Variants in RPS6KA1 observed in about 807,000 individuals in gnomAD.
RPS6KA1 encodes ribosomal protein S6 kinase A1.
RPS6KA1 carries 48 observed loss-of-function variants against 91.3 expected under a neutral mutation model. That is an observed-to-expected ratio of 0.53 (90% CI 0.42 to 0.67). The LOEUF (loss-of-function observed/expected upper bound fraction) is 0.67. Ranked by LOEUF, RPS6KA1 falls within the 30% of genes least tolerant of loss-of-function variation. The pLI, the probability that RPS6KA1 is intolerant of heterozygous loss-of-function variation, is 0.00. For synonymous variants in RPS6KA1, 359 were observed against 384.7 expected (o/e 0.93, Z 0.78); for missense variants, 719 against 960.5 (o/e 0.75, Z 3.32).
chr1:26,533,738 T>C (rs1458263733), intron 1 of RPS6KA1, among the ~76,000 whole-genome samples: 3 of 152,098 alleles, frequency 2.0e-5, no homozygotes, highest in Non-Finnish European at 4.4e-5. Flanking sequence ...AAAAGTGATA[T>C]GACAGACCCA....
intron 20 of RPS6KA1, 145 bp from the exon 21 acceptor site, chr1:26,573,079 C>A: frequency 1.2e-6 from 1 of 801,792 alleles, no homozygotes; most frequent in Non-Finnish European, 2.0e-6. Flanking sequence ...TGCGGGGAGC[C>A]CTGGAGCAGA....
chr1:26,554,266 C>T lies in RPS6KA1; in HGVS notation c.613+15C>T. On this transcript the variant is annotated intron_variant, in intron 8 of 21. Transcript: ENST00000374168. This position sits in a 1 kb window ranked among gnomAD's most constrained non-coding sequence, Gnocchi z 4.6. Reference sequence around the variant, plus strand: ...CAAACTCACTGGTGAGTGGAGGGCGCCTGCCCCCTCGGGACCCAGGGGAGG... The same window carrying T: ...CAAACTCACTGGTGAGTGGAGGGCGTCTGCCCCCTCGGGACCCAGGGGAGG... The T allele has an allele frequency of 1.3e-6, 2 of 1,556,320 alleles. No homozygotes were observed. Among genetic ancestry groups the T allele is most frequent in the Non-Finnish European group, 8.7e-7 (1 of 1,149,498 alleles).
At chr1:26,563,961 A>G (rs2076176752) in intron 17 of RPS6KA1, among the ~76,000 whole-genome samples, 1 of 152,132 alleles carries the variant, frequency 6.6e-6, no homozygotes, top group Non-Finnish European at 1.5e-5. Flanking sequence ...CATCTCTACC[A>G]AAAATACAAA....
chr1:26,566,235 A>G (rs527396897), intron 17 of RPS6KA1, among the ~76,000 whole-genome samples: 52 of 150,374 alleles, frequency 3.5e-4, no homozygotes, highest in African/African-American at 1.2e-3. Context: ...TAATCTCTTC[A>G]ATCATTGCCA....
Position 26,574,141 on chromosome 1 carries a change from C to T in RPS6KA1, c.2148C>T (p.Pro716=), listed in dbSNP as rs1304319911. The T allele has an allele frequency of 6.2e-7, 1 of 1,614,170 alleles. No individual in the cohort carries two copies. Among genetic ancestry groups the T allele is most frequent in the Non-Finnish European group, 8.5e-7 (1 of 1,180,022 alleles). ...NSSKPTPQLK[P]IESSILAQRR... The stretch of plus-strand genomic sequence containing the variant: ...CCAAGCCCACCCCCCAGCTGAAGCC[C>T]ATCGAGTCATCCATCCTGGCCCAGC... The change falls in exon 22 of 22, where the codon CCC becomes CCT. Residue 716 remains proline, a synonymous_variant. Coordinates refer to ENST00000374168, the MANE Select transcript of RPS6KA1 (RefSeq NM_002953.4). The surrounding 1 kb of genome is among the most constrained non-coding windows in gnomAD (Gnocchi z 4.3).
chr1:26,536,201 T>G (rs1193008970), intron 1 of RPS6KA1, among the ~76,000 whole-genome samples: 1 of 148,202 alleles, frequency 6.7e-6, no homozygotes, highest in Admixed American at 6.7e-5. Context: ...TGCGAGGCAC[T>G]GAGCCCAGTG....
intron 15 of RPS6KA1, 45 bp from the exon 16 acceptor site, chr1:26,561,000 G>A: frequency 1.2e-6 from 2 of 1,603,904 alleles, no homozygotes; most frequent in Non-Finnish European, 1.7e-6. Context: ...AAAGGACCCT[G>A]GACCCTGTCA....
rs768113135 is a variant in RPS6KA1, at chr1:26,555,537, G to A, written c.828G>A (p.Lys276=). ...DRKETMTLIL[K]AKLGMPQFLS... is the part of the protein sequence containing the mutation. ...TGATGAGTCCCGGGGGCTGTTTCAG[G>A]GCGAAGCTAGGCATGCCCCAGTTTC... The change falls in exon 11 of 22, where the codon AAG becomes AAA. Residue 276 remains lysine (K), a splice_region_variant and synonymous_variant. Coordinates refer to ENST00000374168, the MANE Select transcript of RPS6KA1 (RefSeq NM_002953.4). The surrounding 1 kb of genome is among the most constrained non-coding windows in gnomAD (Gnocchi z 4.3). The A allele has an allele frequency of 2.7e-5, 43 of 1,586,328 alleles. No individual in the cohort carries two copies. Among genetic ancestry groups the A allele is most frequent in the Non-Finnish European group, 3.6e-5 (42 of 1,165,166 alleles).
In RPS6KA1 at chr1:26,555,483, G is replaced by C. The variant is rs2124642875; in HGVS notation, c.828-54G>C. 1 of 1,501,628 alleles carries C rather than the reference G, an allele frequency of 6.7e-7. No individual in the cohort carries two copies. Among genetic ancestry groups the C allele is most frequent in the African/African-American group, 1.4e-5 (1 of 72,178 alleles). The allele number at this position is 1,501,628 out of a possible 1,614,324, so 93.0% of individuals were successfully genotyped here. A position where few individuals can be genotyped will look rare whatever the true frequency, so the allele number is the denominator to read the frequency against. On this transcript the variant is annotated intron_variant, in intron 10 of 21. Transcript: ENST00000374168. The surrounding 1 kb of genome is among the most constrained non-coding windows in gnomAD (Gnocchi z 4.3). Reference sequence around the variant, plus strand: ...CTAGATCTGGACAGGGGCCGGGGGAGATGGGGCCTCTGGGGCAGGGCTCAG... The same window carrying C: ...CTAGATCTGGACAGGGGCCGGGGGACATGGGGCCTCTGGGGCAGGGCTCAG...
chr1:26,547,737 C>T lies in RPS6KA1; in HGVS notation c.307+467C>T, dbSNP rs2124630368. The T allele has an allele frequency of 5.5e-6, 1 of 182,472 alleles. No homozygotes were observed. The highest frequency in any genetic ancestry group is 1.2e-5 in the Non-Finnish European group (1 of 84,206). The allele number at this position is 182,472 out of a possible 1,614,324, so 11.3% of individuals were successfully genotyped here. A position where few individuals can be genotyped will look rare whatever the true frequency, so the allele number is the denominator to read the frequency against. ...ATGGCAGAGAGGTTCAGAAGGGAGC[C>T]CCGAGCCAAGGTTAGAGTTCTGGGG... On this transcript the variant is annotated intron_variant, in intron 4 of 21. Coordinates refer to ENST00000374168, the MANE Select transcript of RPS6KA1 (RefSeq NM_002953.4). The surrounding 1 kb of genome is among the most constrained non-coding windows in gnomAD (Gnocchi z 4.1).
chr1:26,543,551 T>C (rs2075965472), intron 2 of RPS6KA1, among the ~76,000 whole-genome samples: 1 of 152,182 alleles, frequency 6.6e-6, no homozygotes, highest in Non-Finnish European at 1.5e-5. Context: ...CCTCCATCTG[T>C]CAGGAAGGGT....
Position 26,554,316 on chromosome 1 carries a change from C to T in RPS6KA1, c.613+65C>T, listed in dbSNP as rs1322140888. ...GACAGGACAAGGTCATGATAGGTCT[C>T]GGCTGAGTGCTGGGGGCTCATTCTT... On this transcript the variant is annotated intron_variant, in intron 8 of 21. Transcript: ENST00000374168. The surrounding 1 kb of genome is among the most constrained non-coding windows in gnomAD (Gnocchi z 4.6). The T allele has an allele frequency of 1.4e-5, 21 of 1,484,740 alleles. No individual in the cohort carries two copies. The highest frequency in any genetic ancestry group is 4.9e-5 in the East Asian group (2 of 40,542). The allele number at this position is 1,484,740 out of a possible 1,614,324, so 92.0% of individuals were successfully genotyped here.
intron 1 of RPS6KA1, chr1:26,531,002 C>A: frequency 1.1e-6 from 1 of 879,266 alleles, no homozygotes; most frequent in Non-Finnish European, 1.5e-6. Flanking sequence ...CCAGCTTGGG[C>A]CTGGAGCCCC....
intron 6 of RPS6KA1, chr1:26,552,868 A>G (rs1268518582): frequency 2.4e-6 from 1 of 421,382 alleles, no homozygotes; most frequent in Admixed American, 2.7e-5. Flanking sequence ...TCTTCCTCCC[A>G]CCCCAGCCCC....
At position 26,533,299 on chromosome 1, in the gene RPS6KA1, C is replaced by T. The variant is rs141433182; in HGVS notation, c.63+3316C>T. On this transcript the variant is annotated intron_variant, in intron 1 of 21. Coordinates refer to ENST00000374168, the MANE Select transcript of RPS6KA1 (RefSeq NM_002953.4). The stretch of plus-strand genomic sequence containing the variant: ...TTCACCATGTTGACCAGGATGGTCT[C>T]GATCTCTTGACCTCGTGATCCTCGT... Among the ~76,000 whole-genome samples the T allele has an allele frequency of 2.3e-3, 346 of 152,228 alleles. 1 individual carries two copies. Among genetic ancestry groups the T allele is most frequent in the African/African-American group, 8.2e-3 (339 of 41,560 alleles).
Position 26,554,129 on chromosome 1 carries a change from G to A in RPS6KA1, c.576-85G>A. ...TTGGGTGGAGCACCTCCTCTGGGCT[G>A]AACCCAACTCCCACAGCCCTGTGGT... On this transcript the variant is annotated intron_variant, in intron 7 of 21. Transcript: ENST00000374168. This position sits in a 1 kb window ranked among gnomAD's most constrained non-coding sequence, Gnocchi z 4.6. 1 of 1,445,662 alleles carries A rather than the reference G, an allele frequency of 6.9e-7. No individual in the cohort carries two copies. Among genetic ancestry groups the A allele is most frequent in the South Asian group, 1.3e-5 (1 of 77,264 alleles). 89.6% of individuals were successfully genotyped at this position (1,445,662 alleles called of 1,614,324 possible). A position where few individuals can be genotyped will look rare whatever the true frequency, so the allele number is the denominator to read the frequency against.
chr1:26,537,774 T>C (rs2075917247), intron 2 of RPS6KA1, among the ~76,000 whole-genome samples: 1 of 152,212 alleles, frequency 6.6e-6, no homozygotes, highest in South Asian at 2.1e-4. Context: ...CAGTCCTGGC[T>C]CCATCCCCAC....
chr1:26,574,085 A>T lies in RPS6KA1; in HGVS notation c.2092A>T (p.Met698Leu). Reference protein sequence around the residue: ...HQDLQLVKGAMAATYSALNSS... With the variant: ...HQDLQLVKGALAATYSALNSS... ...CTCCCCACTTCTCTTTCAGGGAGCC[A>T]TGGCTGCCACGTACTCCGCACTCAA... Residue 698 changes from methionine to leucine, a missense_variant, in exon 22 of 22, where the codon ATG (methionine) becomes TTG (leucine). Transcript: ENST00000374168. The surrounding 1 kb of genome is among the most constrained non-coding windows in gnomAD (Gnocchi z 4.3). The T allele has an allele frequency of 6.2e-7, 1 of 1,613,942 alleles. No homozygotes were observed.
rs1355423491 is a variant in RPS6KA1, at chr1:26,556,677, G to A, written c.940G>A (p.Glu314Lys). Reference protein sequence around the residue: ...RLGSGPDGAEEIKRHVFYSTI... With the variant: ...RLGSGPDGAEKIKRHVFYSTI... ...AGGCTCCGGCCCTGATGGGGCAGAGGAAATCAAGCGGCATGTCTTCTACTC... is the reference window on the plus strand; with the variant it reads ...AGGCTCCGGCCCTGATGGGGCAGAGAAAATCAAGCGGCATGTCTTCTACTC... Residue 314 changes from glutamate to lysine, a missense_variant, in exon 12 of 22, where the codon GAA becomes AAA. By Grantham distance (56) the Glu-to-Lys change is moderately conservative. This residue lies in a region of RPS6KA1 where 228 missense variants were observed against 247.6 expected (regional missense o/e 0.92). Coordinates refer to ENST00000374168, the MANE Select transcript of RPS6KA1 (RefSeq NM_002953.4). 3 of 1,614,094 alleles carry A rather than the reference G, an allele frequency of 1.9e-6. No individual in the cohort carries two copies. The highest frequency in any genetic ancestry group is 2.5e-6 in the Non-Finnish European group (3 of 1,180,038).
Sources: allele counts gnomAD v4.1 joint callset (sites outside exome capture counted in the v4.1 genomes callset), GRCh38; gene constraint gnomAD v4.1.1; regional missense constraint gnomAD v4.1.1; non-coding constraint Gnocchi (gnomAD v3.1); transcripts MANE v1.5; gene names NCBI Gene and HGNC (gene_info 2026-07-23, HGNC 2026-07-21).